C8orf34: variants seen among roughly 807,000 people sequenced by gnomAD.
C8orf34 encodes chromosome 8 open reading frame 34.
Under a neutral mutation model 68.3 loss-of-function variants are expected in C8orf34, and 65 were observed. That is an observed-to-expected ratio of 0.95 (90% CI 0.78 to 1.17). The LOEUF (loss-of-function observed/expected upper bound fraction) is 1.17. C8orf34 is among the 50% of genes most tolerant of loss of function. The pLI is 0.00. For missense variants in C8orf34, 664 were observed against 655.4 expected (o/e 1.01, Z -0.14); for synonymous variants, 244 against 241.2 (o/e 1.01, Z -0.11).
chr8:68,639,579 A>G (rs900131503), intron 7 of C8orf34, among the ~76,000 whole-genome samples: 1 of 152,140 alleles, frequency 6.6e-6, no homozygotes, highest in Non-Finnish European at 1.5e-5. Flanking sequence ...TGTAAAAATT[A>G]TGATTTATCT....
chr8:68,646,209 A>C (rs1238311914), intron 8 of C8orf34, among the ~76,000 whole-genome samples: 1 of 152,116 alleles, frequency 6.6e-6, no homozygotes, highest in East Asian at 1.9e-4. Flanking sequence ...AGTGTCTGAA[A>C]GTGAGTTTGC....
At chr8:68,562,938 G>A (rs762295593) in intron 7 of C8orf34, among the ~76,000 whole-genome samples, 2 of 152,058 alleles carry the variant, frequency 1.3e-5, no homozygotes, top group Middle Eastern at 3.2e-3. Flanking sequence ...CTTAACCTTG[G>A]TAGTTGTCCA....
intron 10 of C8orf34, among the ~76,000 whole-genome samples, chr8:68,735,515 C>T (rs1038998323): frequency 5.9e-5 from 9 of 152,014 alleles, no homozygotes; most frequent in Non-Finnish European, 8.8e-5. Context: ...ATGTTGAGTG[C>T]CTTTAAGGGC....
chr8:68,417,107 T>G (rs141113093), intron 1 of C8orf34, among the ~76,000 whole-genome samples: 167 of 152,252 alleles, frequency 1.1e-3, no homozygotes, highest in African/African-American at 3.7e-3. Context: ...CAATATACCT[T>G]GCAATTCATA....
chr8:68,709,102 T>C (rs1363179379), intron 9 of C8orf34, 23 bp downstream of exon 9: 2 of 1,543,046 alleles, frequency 1.3e-6, no homozygotes, highest in Admixed American at 1.7e-5. Context: ...TCCAACAATA[T>C]TTATTGCAGT....
intron 1 of C8orf34, among the ~76,000 whole-genome samples, chr8:68,394,147 TTACATATGTA>T: frequency 6.6e-6 from 1 of 151,980 alleles, no homozygotes; most frequent in Non-Finnish European, 1.5e-5. Flanking sequence ...TGCAGGTTAG[TTACATATGTA>T]TACATGTGCC....
At chr8:68,511,221 T>A (rs1042141937) in intron 5 of C8orf34, among the ~76,000 whole-genome samples, 8 of 152,306 alleles carry the variant, frequency 5.3e-5, no homozygotes, top group African/African-American at 1.9e-4. Context: ...GCAAGGCAAT[T>A]TTTACTTCTA....
chr8:68,486,158 A>C (rs192132024), intron 4 of C8orf34, among the ~76,000 whole-genome samples: 20 of 152,240 alleles, frequency 1.3e-4, no homozygotes, highest in Non-Finnish European at 2.6e-4. Context: ...TTTTAAGCCC[A>C]AAAATTCCAC....
intron 7 of C8orf34, among the ~76,000 whole-genome samples, chr8:68,577,923 TG>T (rs1317602975): frequency 2.0e-5 from 3 of 151,814 alleles, no homozygotes; most frequent in Non-Finnish European, 4.4e-5. Context: ...ATGTGAACAG[TG>T]GCTCTCTCAT....
intron 5 of C8orf34, among the ~76,000 whole-genome samples, chr8:68,515,364 A>G (rs1452070021): frequency 6.7e-6 from 1 of 148,920 alleles, no homozygotes; most frequent in Non-Finnish European, 1.5e-5. Flanking sequence ...GATATAGAAG[A>G]TAATTTCTCT....
At chr8:68,721,303 A>C in intron 9 of C8orf34, 58 bp from the exon 10 acceptor site, 1 of 1,115,514 alleles carries the variant, frequency 9.0e-7, no homozygotes, top group Non-Finnish European at 1.3e-6. Context: ...TTTATATATC[A>C]GAGAATTAAT....
intron 12 of C8orf34, among the ~76,000 whole-genome samples, chr8:68,806,881 A>T (rs993495063): frequency 7.2e-5 from 11 of 152,188 alleles, no homozygotes; most frequent in African/African-American, 2.7e-4. Flanking sequence ...CTCAACAAGG[A>T]GGCTCATGCC....
intron 4 of C8orf34, among the ~76,000 whole-genome samples, chr8:68,475,750 G>T (rs532877064): frequency 6.6e-6 from 1 of 152,324 alleles, no homozygotes; most frequent in Admixed American, 6.5e-5. Context: ...ACTTCGTGAG[G>T]CACTATTCCC....
chr8:68,815,753 C>A, intron 12 of C8orf34, 133 bp from the exon 13 acceptor site: 3 of 1,441,948 alleles, frequency 2.1e-6, no homozygotes, highest in Non-Finnish European at 1.9e-6. Flanking sequence ...CAGCACAGTA[C>A]ATACTATAAA....
intron 8 of C8orf34, among the ~76,000 whole-genome samples, chr8:68,674,156 G>A (rs1223593952): frequency 6.6e-6 from 1 of 152,064 alleles, no homozygotes; most frequent in African/African-American, 2.4e-5. Context: ...CAAATACCTG[G>A]AAACCCTTCC....
intron 1 of C8orf34, among the ~76,000 whole-genome samples, chr8:68,344,361 A>T (rs1457108718): frequency 1.3e-5 from 2 of 152,118 alleles, no homozygotes; most frequent in African/African-American, 4.8e-5. Context: ...AATAGTGACA[A>T]AATTTTTATT....
In C8orf34 at chr8:68,459,445, C is replaced by T. The variant is rs1012863262; in HGVS notation, c.608-9247C>T. Among the ~76,000 whole-genome samples, 5 of 152,000 alleles carry T rather than the reference C, an allele frequency of 3.3e-5. No homozygotes were observed. The South Asian group carries it at 1.0e-3, about 32-fold the overall frequency. On this transcript the variant is annotated intron_variant, in intron 3 of 13. Transcript: ENST00000518698. Reference sequence around the variant, plus strand: ...ATGGGGTTTCTCCATGTTGGCCAGGCTGGTCTCGAGCTCCTGACCTCGTGA... The same window carrying T: ...ATGGGGTTTCTCCATGTTGGCCAGGTTGGTCTCGAGCTCCTGACCTCGTGA...
chr8:68,394,994 T>A, intron 1 of C8orf34, among the ~76,000 whole-genome samples: 1 of 152,082 alleles, frequency 6.6e-6, no homozygotes. Flanking sequence ...TTTCCTAGAG[T>A]ATGACTTTAA....
chr8:68,624,176 G>A (rs979021939), intron 7 of C8orf34, among the ~76,000 whole-genome samples: 3 of 151,590 alleles, frequency 2.0e-5, no homozygotes, highest in Admixed American at 2.0e-4. Context: ...GGAGGCTGAG[G>A]TAGGAGAATC....
Sources: allele counts gnomAD v4.1 joint callset (sites outside exome capture counted in the v4.1 genomes callset), GRCh38; gene constraint gnomAD v4.1.1; transcripts MANE v1.5; gene names NCBI Gene and HGNC (gene_info 2026-07-23, HGNC 2026-07-21).